PLBD1: variants seen among roughly 807,000 people sequenced by gnomAD.
The protein encoded by PLBD1 is lysosomal leucine aminopeptidase.
Under a neutral mutation model 63.0 loss-of-function variants are expected in PLBD1, and 60 were observed. The ratio of observed to expected loss-of-function variants is 0.95; its 90% CI spans 0.77 to 1.18. The LOEUF (loss-of-function observed/expected upper bound fraction) is 1.18, where lower values mean the gene tolerates loss of function less well. Ranked by LOEUF, PLBD1 falls within the 50% of genes most tolerant of loss-of-function variation. The probability of loss-of-function intolerance (pLI) is 0.00; values close to 1 mark genes in which losing one functional copy is unlikely to be tolerated. For missense variants in PLBD1, 598 were observed against 677.9 expected, an observed-to-expected ratio of 0.88 and a Z score of 1.31; for synonymous variants, 262 against 248.0, an observed-to-expected ratio of 1.06 and a Z score of -0.53.
chr12:14,547,744 A>G (rs1396796540), intron 2 of PLBD1, among the ~76,000 whole-genome samples: 1 of 152,126 alleles, frequency 6.6e-6, no homozygotes, highest in Non-Finnish European at 1.5e-5. Context: ...GCAATAACAC[A>G]TCATTTAGCA....
At chr12:14,504,323 T>C (rs1045080291) in intron 10 of PLBD1, among the ~76,000 whole-genome samples, 5 of 152,250 alleles carry the variant, frequency 3.3e-5, no homozygotes, top group African/African-American at 7.2e-5. Context: ...GTGCTGGGAT[T>C]ACAGGCATGA....
rs1190957652 is a variant in PLBD1 at position 14,559,354 on chromosome 12, G to A, written c.116-5942C>T. On this transcript the variant is annotated intron_variant, in intron 1 of 10. Transcript: ENST00000240617. ...TATTTATTATTTATTTTTGAGCTGG[G>A]GTCTCGCTCTGTTGCTCAGGCTGGA... Among the ~76,000 whole-genome samples the A allele has an allele frequency of 3.3e-5, 5 of 151,996 alleles. No homozygotes were observed. In the East Asian group the frequency reaches 7.7e-4, roughly 23 times the overall value.
Position 14,567,810 on chromosome 12 carries a change from G to A in PLBD1, c.-114C>T, listed in dbSNP as rs1945807693. ...TCAGGGGCGCCGCCTCTCCGAGGTG[G>A]GGCGTCCTCAACTTTCCTCTTTCTT... On this transcript the variant is annotated 5_prime_UTR_variant, in exon 1 of 11. Transcript: ENST00000240617. 2 of 1,310,746 alleles carry A rather than the reference G, an allele frequency of 1.5e-6. No individual in the cohort carries two copies. Among genetic ancestry groups the A allele is most frequent in the Non-Finnish European group, 9.8e-7 (1 of 1,023,430 alleles). The allele number at this position is 1,310,746 out of a possible 1,614,324, so 81.2% of individuals were successfully genotyped here. A position where few individuals can be genotyped will look rare whatever the true frequency, so the allele number is the denominator to read the frequency against.
intron 2 of PLBD1, among the ~76,000 whole-genome samples, chr12:14,549,534 G>A (rs1945640562): frequency 6.6e-6 from 1 of 152,104 alleles, no homozygotes; most frequent in African/African-American, 2.4e-5. Flanking sequence ...AGAAACCTCG[G>A]GCACTCTGTG....
chr12:14,516,039 A>T (rs954342708), intron 6 of PLBD1, among the ~76,000 whole-genome samples: 10 of 151,770 alleles, frequency 6.6e-5, no homozygotes, highest in African/African-American at 2.4e-4. Flanking sequence ...TCCATCTCAA[A>T]AAAAAACAAG....
At chr12:14,520,923 C>T (rs1186644674) in intron 6 of PLBD1, among the ~76,000 whole-genome samples, 1 of 152,178 alleles carries the variant, frequency 6.6e-6, no homozygotes, top group African/African-American at 2.4e-5. Flanking sequence ...AGAATGAGCC[C>T]ACATTGTGCC....
chr12:14,560,860 G>A (rs577888873), intron 1 of PLBD1, among the ~76,000 whole-genome samples: 11 of 152,168 alleles, frequency 7.2e-5, no homozygotes, highest in Middle Eastern at 3.4e-3. Context: ...GGTTTCCACT[G>A]TGGACACAGG....
chr12:14,552,655 C>A (rs77253190), intron 2 of PLBD1, among the ~76,000 whole-genome samples: 3 of 152,064 alleles, frequency 2.0e-5, no homozygotes, highest in Admixed American at 1.3e-4. Context: ...AATTCCAACA[C>A]GTTGGGAGGC....
In PLBD1 at chr12:14,506,243, T is replaced by A; in HGVS notation, c.1398A>T (p.Arg466Ser). The stretch of plus-strand genomic sequence containing the variant: ...AGCAGATGGTATTACAGGGGTCACC[T>A]CTACTGTAAGGATCCTTCTTATAAT... ...YNNYKKDPYS[R>S]GDPCNTICCR... Residue 466 changes from arginine to serine, a missense_variant, in exon 10 of 11, where the codon AGA (arginine) becomes AGT (serine). Physicochemically the swap from Arg to Ser is moderately radical, Grantham distance 110. Transcript: ENST00000240617. The A allele has an allele frequency of 6.2e-7, 1 of 1,611,672 alleles. No homozygotes were observed. Among genetic ancestry groups the A allele is most frequent in the Non-Finnish European group, 8.5e-7 (1 of 1,178,222 alleles).
chr12:14,506,058 ATGGT>A, intron 10 of PLBD1, 100 bp downstream of exon 10: 1 of 681,784 alleles, frequency 1.5e-6, no homozygotes, highest in East Asian at 2.9e-5. Context: ...GGTTGAGTTT[ATGGT>A]TAGCGACATC....
rs572328697 is a variant in PLBD1, at chr12:14,539,571, A to T, written c.558+1193T>A. ...GAGGTTGAGGCGGATGGATCTTTTG[A>T]GGTCAGGAGTTCGAGACTAGCCTGG... On this transcript the variant is annotated intron_variant, in intron 4 of 10. Coordinates refer to ENST00000240617, the MANE Select transcript of PLBD1 (RefSeq NM_024829.6). Among the ~76,000 whole-genome samples, 85 of 152,048 alleles carry T rather than the reference A, an allele frequency of 5.6e-4. 2 individuals are homozygous for T. The highest frequency in any genetic ancestry group is 4.9e-3 in the Admixed American group (75 of 15,272).
intron 1 of PLBD1, among the ~76,000 whole-genome samples, chr12:14,562,070 T>C (rs1028563636): frequency 2.0e-5 from 3 of 152,222 alleles, no homozygotes; most frequent in African/African-American, 7.2e-5. Context: ...GCAAGGCAGA[T>C]GGACAAATTT....
At position 14,511,410 on chromosome 12, in the gene PLBD1, C is replaced by T. The variant is rs990870952; in HGVS notation, c.1046-10G>A. The T allele has an allele frequency of 1.2e-5, 20 of 1,612,910 alleles. No homozygotes were observed. The highest frequency in any genetic ancestry group is 6.7e-5 in the African/African-American group (5 of 74,818). On this transcript the variant is annotated splice_polypyrimidine_tract_variant and intron_variant, in intron 7 of 10. Coordinates refer to ENST00000240617, the MANE Select transcript of PLBD1 (RefSeq NM_024829.6). Reference sequence around the variant, plus strand: ...TGATTGTTATAGGTGCCTGAAATATCAGGAAACATGAAGACGGGGCATGGG... The same window carrying T: ...TGATTGTTATAGGTGCCTGAAATATTAGGAAACATGAAGACGGGGCATGGG...
At chr12:14,557,062 T>TG (rs1429436556) in intron 1 of PLBD1, among the ~76,000 whole-genome samples, 3 of 148,224 alleles carry the variant, frequency 2.0e-5, no homozygotes, top group African/African-American at 7.4e-5. Context: ...AACAAGCATG[T>TG]GAAAAAAAGC....
intron 1 of PLBD1, among the ~76,000 whole-genome samples, chr12:14,560,985 A>G (rs1945739232): frequency 6.6e-6 from 1 of 151,404 alleles, no homozygotes; most frequent in African/African-American, 2.4e-5. Flanking sequence ...TAACTCCCTC[A>G]CTCCATGTCT....
At chr12:14,518,393 T>C (rs1945351577) in intron 6 of PLBD1, among the ~76,000 whole-genome samples, 1 of 152,252 alleles carries the variant, frequency 6.6e-6, no homozygotes, top group Admixed American at 6.5e-5. Context: ...TCATGTTATT[T>C]ATCACAAAGG....
At position 14,507,217 on chromosome 12, in the gene PLBD1, G is replaced by T. The variant is rs1945263746; in HGVS notation, c.1187-99C>A. On this transcript the variant is annotated intron_variant, in intron 8 of 10. Transcript: ENST00000240617. ...AATGTTATCCATGTTCATTTATTTT[G>T]AAAATGGGCACAGGCATTTAATTAC... The T allele has an allele frequency of 6.5e-6, 6 of 920,698 alleles. No homozygotes were observed. The East Asian group carries it at 1.5e-4, about 23-fold the overall frequency. The allele number at this position is 920,698 out of a possible 1,614,324, so 57.0% of individuals were successfully genotyped here. A position where few individuals can be genotyped will look rare whatever the true frequency, so the allele number is the denominator to read the frequency against.
rs151221007 is a variant in PLBD1, at chr12:14,535,779, G to A, written c.724C>T (p.Leu242Phe). 6.2e-7 allele frequency: 1 copy of A among 1,613,766 alleles called. No homozygotes were observed. The highest frequency in any genetic ancestry group is 8.5e-7 in the Non-Finnish European group (1 of 1,179,942). The change falls in exon 6 of 11, where the codon CTT (leucine) becomes TTT (phenylalanine). Residue 242 changes from leucine (L) to phenylalanine (F), a missense_variant. Physicochemically the swap from Leu to Phe is conservative, Grantham distance 22. Coordinates refer to ENST00000240617, the MANE Select transcript of PLBD1 (RefSeq NM_024829.6). ...GTGTACCAGCTTGAGTGAGCAAAAA[G>A]GATGTTCTCAAATCCAGGAAGAACC... ...IKVLPGFENILFAHSSWYTYA... is the reference protein window; with the variant it reads ...IKVLPGFENIFFAHSSWYTYA...
At chr12:14,517,546 C>A (rs1945346315) in intron 6 of PLBD1, among the ~76,000 whole-genome samples, 1 of 152,116 alleles carries the variant, frequency 6.6e-6, no homozygotes, top group Non-Finnish European at 1.5e-5. Context: ...TGCCTTTGCA[C>A]CCAGTCCTCA....
Sources: gnomAD v4.1 joint callset for allele counts (sites outside exome capture counted in the v4.1 genomes callset) on GRCh38, gnomAD v4.1.1 for gene constraint, MANE v1.5 for transcripts, NCBI Gene and HGNC (gene_info 2026-07-23, HGNC 2026-07-21) for gene names.